The following CWF19L2 variants were observed in gnomAD, a reference collection of about 807,000 sequenced individuals.
CWF19L2 encodes CWF19 like cell cycle control factor 2, also known as CWF19-like protein 2.
In CWF19L2, 98 loss-of-function variants were observed where a neutral mutation model predicts 111.7. That is an observed-to-expected ratio of 0.88 (90% CI 0.75 to 1.04). The LOEUF (loss-of-function observed/expected upper bound fraction) is 1.04, where lower values mean the gene tolerates loss of function less well. CWF19L2 is among the 50% of genes least tolerant of loss of function. The pLI is 0.00. For synonymous variants in CWF19L2, 351 were observed against 342.9 expected (o/e 1.02, Z -0.26); for missense variants, 1,101 against 1,051.4 (o/e 1.05, Z -0.65).
At chr11:107,360,464 TATA>T (rs1591161966) in intron 12 of CWF19L2, among the ~76,000 whole-genome samples, 1 of 152,218 alleles carries the variant, frequency 6.6e-6, no homozygotes, top group East Asian at 1.9e-4. Flanking sequence ...GGGTATTTTT[TATA>T]ATGATTTATT....
At position 107,442,793 on chromosome 11, in the gene CWF19L2, AGGGAGGGAGGGAGGGAG is replaced by A. The variant is rs1190006198; in HGVS notation, c.450+129_450+145del. ...AAGGAAGGAAGGAAGGAAGGAAGGA[AGGGAGGGAGGGAGGGAG>A]GGAGGGAGGGGGAGGGAGGGAGAGA... On this transcript the variant is annotated intron_variant, in intron 4 of 17. Coordinates refer to ENST00000282251, the MANE Select transcript of CWF19L2 (RefSeq NM_152434.3). The A allele has an allele frequency of 3.1e-3, 767 of 249,546 alleles. 31 individuals are homozygous for A. The African/African-American group carries it at 0.056, about 18-fold the overall frequency. The allele number at this position is 249,546 out of a possible 1,614,324, so 15.5% of individuals were successfully genotyped here.
At chr11:107,353,824 G>C in intron 12 of CWF19L2, 88 bp from the exon 13 acceptor site, 2 of 931,688 alleles carry the variant, frequency 2.1e-6, no homozygotes, top group Non-Finnish European at 3.3e-6. Context: ...GTATCTGTAA[G>C]TTCTATGATA....
chr11:107,425,311 C>T (rs748943492), intron 8 of CWF19L2, among the ~76,000 whole-genome samples: 3 of 151,710 alleles, frequency 2.0e-5, no homozygotes, highest in Non-Finnish European at 4.4e-5. Context: ...AGCATAACGA[C>T]GTTTCACTCA....
Position 107,378,538 on chromosome 11 carries a change from A to G in CWF19L2, c.1872+11536T>C, listed in dbSNP as rs533506691. Among the ~76,000 whole-genome samples the G allele has an allele frequency of 4.5e-4, 69 of 152,320 alleles. 1 individual carries two copies. The highest frequency in any genetic ancestry group is 1.6e-3 in the African/African-American group (67 of 41,572). On this transcript the variant is annotated intron_variant, in intron 12 of 17. Coordinates refer to ENST00000282251, the MANE Select transcript of CWF19L2 (RefSeq NM_152434.3). ...AAGAACAAAAAACCAAACACCGCGT[A>G]TTCTCACGCATAGGTGGGAATTGAA...
At position 107,414,095 on chromosome 11, in the gene CWF19L2, C is replaced by T. The variant is rs117374948; in HGVS notation, c.1617+2114G>A. ...TGCCTCAGTTTCTTGATCTATAAAA[C>T]TGTAATAATGACATGGACTACCTCA... is the stretch of plus-strand genomic sequence containing the variant. On this transcript the variant is annotated intron_variant, in intron 10 of 17. Coordinates refer to ENST00000282251, the MANE Select transcript of CWF19L2 (RefSeq NM_152434.3). Among the ~76,000 whole-genome samples, 4 of 152,298 alleles carry T rather than the reference C, an allele frequency of 2.6e-5. No homozygotes were observed. In the East Asian group the frequency reaches 7.7e-4, roughly 29 times the overall value.
At chr11:107,442,221 C>T (rs1240990481) in intron 4 of CWF19L2, among the ~76,000 whole-genome samples, 3 of 152,156 alleles carry the variant, frequency 2.0e-5, no homozygotes, top group Admixed American at 1.3e-4. Context: ...CTCACTTTCT[C>T]ACAGTAGAAG....
intron 1 of CWF19L2, 98 bp downstream of exon 1, chr11:107,457,614 G>T: frequency 1.2e-6 from 1 of 847,332 alleles, no homozygotes; most frequent in Non-Finnish European, 1.9e-6. Flanking sequence ...GTGAGATTCA[G>T]TACTGACGAG....
chr11:107,367,984 C>T (rs2432866), intron 12 of CWF19L2, among the ~76,000 whole-genome samples: 54,804 of 134,576 alleles, frequency 0.41, 17,481 homozygotes, highest in African/African-American at 0.58. Context: ...GCATTAAATG[C>T]CTACATCAAC....
intron 12 of CWF19L2, among the ~76,000 whole-genome samples, chr11:107,367,482 GA>G (rs1338867237): frequency 1.5e-5 from 2 of 129,928 alleles, no homozygotes; most frequent in Non-Finnish European, 3.2e-5. Flanking sequence ...ATACACCATG[GA>G]ATACTATGCA....
chr11:107,452,423 C>T (rs1365367371), intron 3 of CWF19L2, among the ~76,000 whole-genome samples: 1 of 151,752 alleles, frequency 6.6e-6, no homozygotes. Flanking sequence ...CATGTAAGAT[C>T]TCTACACTAA....
intron 8 of CWF19L2, among the ~76,000 whole-genome samples, chr11:107,425,052 C>T (rs1023835770): frequency 6.6e-6 from 1 of 151,570 alleles, no homozygotes. Context: ...TGCAATTATC[C>T]TGCAAAAAGA....
intron 12 of CWF19L2, among the ~76,000 whole-genome samples, chr11:107,362,423 T>A (rs1406603590): frequency 1.3e-5 from 2 of 151,994 alleles, no homozygotes; most frequent in East Asian, 3.9e-4. Flanking sequence ...TAAATGTCCC[T>A]GTCTGACAGC....
At chr11:107,418,706 GCATT>G (rs1478810250) in intron 8 of CWF19L2, among the ~76,000 whole-genome samples, 1 of 152,108 alleles carries the variant, frequency 6.6e-6, no homozygotes, top group African/African-American at 2.4e-5. Context: ...ATATCTAACT[GCATT>G]CAAAGAATAA....
chr11:107,372,453 C>T lies in CWF19L2; in HGVS notation c.1872+17621G>A, dbSNP rs549823863. Among the ~76,000 whole-genome samples the T allele has an allele frequency of 1.9e-4, 26 of 135,320 alleles. 6 individuals carry two copies. The South Asian group carries it at 2.3e-3, about 12-fold the overall frequency. The allele number at this position is 135,320 out of a possible 152,430, so 88.8% of individuals were successfully genotyped here. A position where few individuals can be genotyped will look rare whatever the true frequency, so the allele number is the denominator to read the frequency against. On this transcript the variant is annotated intron_variant, in intron 12 of 17. Transcript: ENST00000282251. The stretch of plus-strand genomic sequence containing the variant: ...TTGAGAAACTGAATGAAAATCAACA[C>T]GGATGGAGCAGAGGAAGCAAAACAA...
At chr11:107,433,794 T>A in intron 6 of CWF19L2, 45 bp from the exon 7 acceptor site, 1 of 855,884 alleles carries the variant, frequency 1.2e-6, no homozygotes, top group Non-Finnish European at 1.7e-6. Flanking sequence ...AATGTGGTTA[T>A]CATACAATTA....
intron 12 of CWF19L2, among the ~76,000 whole-genome samples, chr11:107,381,213 G>A (rs1194514651): frequency 2.0e-5 from 3 of 152,118 alleles, no homozygotes; most frequent in Non-Finnish European, 2.9e-5. Context: ...ATTGTATACT[G>A]TAAATGGTTA....
Position 107,457,744 on chromosome 11 carries a change from TC to T in CWF19L2, c.72del (p.Thr25ProfsTer39). On this transcript the variant is annotated frameshift_variant, in exon 1 of 18. Coordinates refer to ENST00000282251, the MANE Select transcript of CWF19L2 (RefSeq NM_152434.3). LOFTEE classifies it high-confidence loss of function. ...AACACCTCGGCCCTGGCATTCCGGG[TC>T]TGTTCTTTCCGCTCTTCGATACTCT... is the stretch of plus-strand genomic sequence containing the variant. The part of the protein sequence containing the change: ...SAKSIEERKE[Q>X]TRNARAEVLR... 6.4e-7 allele frequency: 1 copy of T among 1,551,566 alleles called. No individual in the cohort carries two copies. The highest frequency in any genetic ancestry group is 8.7e-7 in the Non-Finnish European group (1 of 1,146,924).
chr11:107,392,940 T>C lies in CWF19L2; in HGVS notation c.1618-45A>G, dbSNP rs762794317. The C allele has an allele frequency of 5.5e-5, 65 of 1,190,782 alleles. No individual in the cohort carries two copies. In the Admixed American group the frequency reaches 8.9e-4, roughly 16 times the overall value. The allele number at this position is 1,190,782 out of a possible 1,614,324, so 73.8% of individuals were successfully genotyped here. On this transcript the variant is annotated intron_variant, in intron 10 of 17. Transcript: ENST00000282251. ...TAACTATTGAAATTATTGTGAAGAA[T>C]GTTGAATGTTTTTATTTAATAACAA...
intron 5 of CWF19L2, among the ~76,000 whole-genome samples, chr11:107,440,521 A>G (rs973511889): frequency 6.6e-6 from 1 of 152,182 alleles, no homozygotes; most frequent in Non-Finnish European, 1.5e-5. Context: ...AAATCTTTCA[A>G]TATCTATAGT....
Sources: gnomAD v4.1 joint callset for allele counts (sites outside exome capture counted in the v4.1 genomes callset) on GRCh38, gnomAD v4.1.1 for gene constraint, MANE v1.5 for transcripts, NCBI Gene and HGNC (gene_info 2026-07-23, HGNC 2026-07-21) for gene names.